TSPAN1: variants seen among roughly 807,000 people sequenced by gnomAD.
TSPAN1 encodes tetraspanin-1.
TSPAN1 carries 23 observed loss-of-function variants against 26.9 expected under a neutral mutation model. The ratio of observed to expected loss-of-function variants is 0.85; its 90% CI spans 0.62 to 1.21. TSPAN1 has a LOEUF of 1.21. Ranked by LOEUF, TSPAN1 falls within the 50% of genes most tolerant of loss-of-function variation. TSPAN1 has a pLI of 0.00. For missense variants in TSPAN1, 283 were observed against 298.4 expected (o/e 0.95, Z 0.38); for synonymous variants, 115 against 114.8 (o/e 1.00, Z -0.01).
chr1:46,189,980 C>T (rs750115605), downstream of TSPAN1: 1 of 1,614,038 alleles, frequency 6.2e-7, no homozygotes, highest in African/African-American at 1.3e-5. Flanking sequence ...GGTCCAGAAC[C>T]TCAGCCTCAC....
the TSPAN1 span, among the ~76,000 whole-genome samples, chr1:46,196,320 C>T: frequency 6.6e-6 from 1 of 152,336 alleles, no homozygotes; most frequent in East Asian, 1.9e-4. This position sits in a 1 kb window ranked among gnomAD's most constrained non-coding sequence, Gnocchi z 4.4. Context: ...CTCTTAGAGC[C>T]TCTGCTGTCT....
downstream of TSPAN1, chr1:46,189,166 G>A: frequency 6.6e-7 from 1 of 1,517,500 alleles, no homozygotes; most frequent in Non-Finnish European, 8.8e-7. Context: ...AAACAAGGTA[G>A]CCCCAGCCCC....
downstream of TSPAN1, chr1:46,189,528 G>A (rs145736350): frequency 5.8e-5 from 93 of 1,613,136 alleles, no homozygotes; most frequent in Middle Eastern, 3.3e-4. Flanking sequence ...CACAGGCCCC[G>A]ATGGTTGCCA....
the TSPAN1 span, chr1:46,196,214 T>C: frequency 6.5e-7 from 1 of 1,531,474 alleles, no homozygotes; most frequent in Non-Finnish European, 8.8e-7. This position sits in a 1 kb window ranked among gnomAD's most constrained non-coding sequence, Gnocchi z 4.4. Context: ...CTTTTCCAAC[T>C]CAGCTCGAAG....
At position 46,184,380 on chromosome 1, in the gene TSPAN1, A is replaced by C; in HGVS notation, c.247A>C (p.Lys83Gln). 1.2e-6 allele frequency: 2 copies of C among 1,614,104 alleles called. No homozygotes were observed. The highest frequency in any genetic ancestry group is 1.7e-6 in the Non-Finnish European group (2 of 1,180,010). The change falls in exon 4 of 9, where the codon AAG (lysine) becomes CAG (glutamine). Residue 83 changes from lysine to glutamine, a missense_variant. Coordinates refer to ENST00000372003, the MANE Select transcript of TSPAN1 (RefSeq NM_005727.4). The part of the protein sequence containing the change: ...LGCYGAKTES[K>Q]CALVTFFFIL... ...CTGCTATGGTGCTAAGACTGAGAGCAAGTGTGCCCTCGTGACGGTGTGTGA... is the reference window on the plus strand; with the variant it reads ...CTGCTATGGTGCTAAGACTGAGAGCCAGTGTGCCCTCGTGACGGTGTGTGA...
downstream of TSPAN1, among the ~76,000 whole-genome samples, chr1:46,186,451 G>A (rs962975137): frequency 1.3e-5 from 2 of 150,684 alleles, no homozygotes; most frequent in African/African-American, 4.9e-5. Context: ...TGGCCTACCT[G>A]GTGTTCTTCA....
intron 1 of TSPAN1, 47 bp downstream of exon 1, chr1:46,175,456 T>A (rs1657108311): frequency 2.5e-6 from 1 of 396,618 alleles, no homozygotes; most frequent in Non-Finnish European, 4.4e-6. Context: ...CATAGTCAGC[T>A]GGTTAACACC....
intron 3 of TSPAN1, among the ~76,000 whole-genome samples, chr1:46,182,317 A>AAAAAAAAAAAAAAAAAAAAC (rs1657332418): frequency 6.8e-6 from 1 of 146,102 alleles, no homozygotes; most frequent in African/African-American, 2.5e-5. Flanking sequence ...AAAAAAAAAA[A>AAAAAAAAAAAAAAAAAAAAC]GCCACTGTGA....
intron 3 of TSPAN1, among the ~76,000 whole-genome samples, chr1:46,183,149 A>G (rs1423142807): frequency 6.6e-6 from 1 of 152,174 alleles, no homozygotes; most frequent in East Asian, 1.9e-4. Context: ...TGGAGGAAGC[A>G]ATAGGATTCC....
At chr1:46,194,951 G>A in the TSPAN1 span, 1 of 1,614,106 alleles carries the variant, frequency 6.2e-7, no homozygotes, top group Non-Finnish European at 8.5e-7. Context: ...GAGGTGGAAG[G>A]AGCCCTCATC....
At chr1:46,192,587 G>C in the TSPAN1 span, 1 of 1,613,886 alleles carries the variant, frequency 6.2e-7, no homozygotes, top group Non-Finnish European at 8.5e-7. Flanking sequence ...ATTGGCTCAG[G>C]AAACTGAGAG....
At chr1:46,193,022 C>T in the TSPAN1 span, 1 of 1,606,278 alleles carries the variant, frequency 6.2e-7, no homozygotes, top group Non-Finnish European at 8.5e-7. Flanking sequence ...CTCCTTTGCC[C>T]CCAACCCTCT....
At chr1:46,178,524 C>T (rs1657238876) in intron 1 of TSPAN1, among the ~76,000 whole-genome samples, 1 of 151,938 alleles carries the variant, frequency 6.6e-6, no homozygotes, top group Non-Finnish European at 1.5e-5. Context: ...ATCTTTCCCC[C>T]ATCCCCTCCT....
At chr1:46,190,740 G>T, downstream of TSPAN1, 1 of 1,613,792 alleles carries the variant, frequency 6.2e-7, no homozygotes, top group South Asian at 1.1e-5. Flanking sequence ...TCCTGAGCTG[G>T]ACACCTGGAA....
the TSPAN1 span, chr1:46,193,331 T>C: frequency 3.7e-6 from 6 of 1,613,760 alleles, no homozygotes; most frequent in Non-Finnish European, 5.1e-6. Flanking sequence ...TTCTTGATGC[T>C]GATGGGAGTA....
chr1:46,194,977 A>G, the TSPAN1 span: 1 of 1,613,050 alleles, frequency 6.2e-7, no homozygotes, highest in South Asian at 1.1e-5. Context: ...GGACCAGAGA[A>G]GGCAGTTAGC....
intron 1 of TSPAN1, chr1:46,176,314 C>A: frequency 6.5e-7 from 1 of 1,535,798 alleles, no homozygotes; most frequent in South Asian, 1.2e-5. Context: ...GATGGCTGCA[C>A]TGCTGGCAGT....
intron 7 of TSPAN1, 41 bp from the exon 8 acceptor site, chr1:46,185,184 G>A: frequency 6.2e-7 from 1 of 1,614,164 alleles, no homozygotes; most frequent in Non-Finnish European, 8.5e-7. Flanking sequence ...GATGGGAGTA[G>A]GGCAGCTGCC....
chr1:46,194,785 G>T, the TSPAN1 span: 10 of 1,613,492 alleles, frequency 6.2e-6, no homozygotes, highest in Non-Finnish European at 8.5e-6. Context: ...CCATCTCCTA[G>T]GGTTCTGCTC....
Sources: allele counts gnomAD v4.1 joint callset (sites outside exome capture counted in the v4.1 genomes callset), GRCh38; gene constraint gnomAD v4.1.1; non-coding constraint Gnocchi (gnomAD v3.1); transcripts MANE v1.5; gene names NCBI Gene and HGNC (gene_info 2026-07-23, HGNC 2026-07-21).